CCDC7: variants seen among roughly 807,000 people sequenced by gnomAD.
CCDC7 encodes the protein coiled-coil domain-containing protein 7.
CCDC7 carries 183 observed loss-of-function variants against 196.9 expected under a neutral mutation model. The ratio of observed to expected loss-of-function variants is 0.93; its 90% CI spans 0.82 to 1.05. CCDC7 has a LOEUF of 1.05. Among genes scored for constraint, CCDC7 ranks in the 50% least tolerant of loss-of-function variants. The pLI, the probability that CCDC7 is intolerant of heterozygous loss-of-function variation, is 0.00. For synonymous variants in CCDC7, 525 were observed against 484.6 expected (o/e 1.08, Z -1.10); for missense variants, 1,540 against 1,482.2 (o/e 1.04, Z -0.64).
At chr10:32,735,575 AT>A (rs545003212) in intron 28 of CCDC7, among the ~76,000 whole-genome samples, 61 of 151,742 alleles carry the variant, frequency 4.0e-4, no homozygotes, top group African/African-American at 1.2e-3. Flanking sequence ...TCTTTTTCTT[AT>A]TGTGTCAGGT....
intron 32 of CCDC7, among the ~76,000 whole-genome samples, chr10:32,828,381 A>G (rs1314449057): frequency 6.8e-6 from 1 of 147,698 alleles, no homozygotes; most frequent in Non-Finnish European, 1.5e-5. Context: ...ATTTGTTTAA[A>G]TAGTTTAAAA....
intron 20 of CCDC7, among the ~76,000 whole-genome samples, chr10:32,659,192 G>C (rs2070682787): frequency 6.6e-6 from 1 of 152,002 alleles, no homozygotes; most frequent in African/African-American, 2.4e-5. Context: ...CTCCTGTTAG[G>C]ACTGCTTTTG....
At chr10:32,755,908 T>G (rs908089399) in intron 28 of CCDC7, among the ~76,000 whole-genome samples, 3 of 152,078 alleles carry the variant, frequency 2.0e-5, no homozygotes, top group Admixed American at 2.0e-4. Flanking sequence ...AGAGAAGACC[T>G]TAAATGACGT....
At chr10:32,491,819 T>C (rs2042198245) in intron 8 of CCDC7, 103 bp from the exon 10 acceptor site, 1 of 1,128,992 alleles carries the variant, frequency 8.9e-7, no homozygotes, top group Non-Finnish European at 1.2e-6. Context: ...AGCCCCTCTT[T>C]ATGTTTGTTT....
At chr10:32,707,591 T>C (rs2141780236) in intron 24 of CCDC7, among the ~76,000 whole-genome samples, 1 of 152,280 alleles carries the variant, frequency 6.6e-6, no homozygotes, top group South Asian at 2.1e-4. Context: ...CAGCCCAAAA[T>C]CTCCTTAAGC....
At chr10:32,608,507 A>T (rs1047247215) in intron 18 of CCDC7, among the ~76,000 whole-genome samples, 2 of 151,308 alleles carry the variant, frequency 1.3e-5, no homozygotes, top group African/African-American at 4.9e-5. Flanking sequence ...TTCAATTTCT[A>T]TTGTTTTATG....
upstream of CCDC7, among the ~76,000 whole-genome samples, chr10:32,449,651 TG>T (rs1413604172): frequency 1.3e-5 from 2 of 152,148 alleles, no homozygotes; most frequent in Non-Finnish European, 2.9e-5. Context: ...GGAAAGTATG[TG>T]GGTGTATTTG....
chr10:32,667,501 A>G (rs1455828185), intron 21 of CCDC7, among the ~76,000 whole-genome samples: 1 of 152,116 alleles, frequency 6.6e-6, no homozygotes, highest in African/African-American at 2.4e-5. Flanking sequence ...TTATGGTTTC[A>G]GGTCTAACAT....
Position 32,757,374 on chromosome 10 carries a change from T to G in CCDC7, c.2906-21603T>G, listed in dbSNP as rs530035930. Among the ~76,000 whole-genome samples the G allele has an allele frequency of 1.6e-4, 25 of 152,134 alleles. No homozygotes were observed. In the East Asian group the frequency reaches 4.8e-3, roughly 29 times the overall value. On this transcript the variant is annotated intron_variant, in intron 28 of 41. Coordinates refer to ENST00000639629, the Ensembl canonical transcript of CCDC7. ...GAAGCAAAGCACTCCTCAGCAAATG[T>G]AAAAAAACAGAAATTATAACAAACT...
upstream of CCDC7, among the ~76,000 whole-genome samples, chr10:32,443,422 C>CCAGTTG (rs1554829815): frequency 8.6e-5 from 13 of 151,930 alleles, no homozygotes; most frequent in East Asian, 1.9e-4. Flanking sequence ...TCACATTATC[C>CCAGTTG]CTTGAAGGAT....
At chr10:32,577,790 T>C (rs2058365442) in intron 16 of CCDC7, among the ~76,000 whole-genome samples, 1 of 152,132 alleles carries the variant, frequency 6.6e-6, no homozygotes, top group Non-Finnish European at 1.5e-5. Flanking sequence ...ATCCCCCTTT[T>C]AATAGAATTT....
rs758046796 is a variant in CCDC7, at chr10:32,471,044, G to T, written c.511-20G>T. On this transcript the variant is annotated intron_variant, in intron 5 of 41. Coordinates refer to ENST00000639629, the Ensembl canonical transcript of CCDC7. ...CAAAATGGGTATTTACTAAATAACTGGTTAATTTTATTATTTTAGATAAGT... is the reference window on the plus strand; with the variant it reads ...CAAAATGGGTATTTACTAAATAACTTGTTAATTTTATTATTTTAGATAAGT... The T allele has an allele frequency of 6.4e-7, 1 of 1,551,130 alleles. No individual in the cohort carries two copies. Among genetic ancestry groups the T allele is most frequent in the South Asian group, 1.3e-5 (1 of 79,790 alleles).
chr10:32,848,033 G>T (rs892190747), intron 38 of CCDC7, 117 bp downstream of exon 39: 5 of 551,828 alleles, frequency 9.1e-6, no homozygotes, highest in African/African-American at 3.9e-5. Context: ...ATGTCTTCAT[G>T]AATTTTCTCA....
intron 28 of CCDC7, among the ~76,000 whole-genome samples, 167 bp from the exon 30 acceptor site, chr10:32,778,810 C>T (rs1328509478): frequency 6.6e-6 from 1 of 152,160 alleles, no homozygotes; most frequent in Non-Finnish European, 1.5e-5. Flanking sequence ...AATCCGTTAG[C>T]ATGGACTGTT....
upstream of CCDC7, chr10:32,451,530 T>C (rs11008943): frequency 9.4e-4 from 1,303 of 1,387,480 alleles, 19 homozygotes; most frequent in East Asian, 0.031. Context: ...AAAAGAGAAA[T>C]GTAGTATGTG....
At chr10:32,459,211 T>C (rs891501095) in intron 3 of CCDC7, among the ~76,000 whole-genome samples, 7 of 152,168 alleles carry the variant, frequency 4.6e-5, no homozygotes, top group East Asian at 3.8e-4. Flanking sequence ...ATATGATATG[T>C]ATATAATCAT....
chr10:32,764,187 T>C (rs1464759797), intron 28 of CCDC7, among the ~76,000 whole-genome samples: 1 of 151,708 alleles, frequency 6.6e-6, no homozygotes, highest in African/African-American at 2.4e-5. Flanking sequence ...AAAACACTTC[T>C]GATTCTCCCC....
At chr10:32,544,906 C>T (rs1374708891) in intron 13 of CCDC7, among the ~76,000 whole-genome samples, 4 of 151,306 alleles carry the variant, frequency 2.6e-5, no homozygotes, top group Admixed American at 2.0e-4. Flanking sequence ...TTTGGATTTA[C>T]GTTTTATTCA....
chr10:32,837,011 T>TGGGTAA (rs971552683), intron 33 of CCDC7, among the ~76,000 whole-genome samples: 1 of 152,110 alleles, frequency 6.6e-6, no homozygotes, highest in African/African-American at 2.4e-5. Flanking sequence ...GACATAGGCA[T>TGGGTAA]GGGTAAGGAC....
Sources: gnomAD v4.1 joint callset for allele counts (sites outside exome capture counted in the v4.1 genomes callset) on GRCh38, gnomAD v4.1.1 for gene constraint, MANE v1.5 for transcripts, NCBI Gene and HGNC (gene_info 2026-07-23, HGNC 2026-07-21) for gene names.